The following BNC2 variants were observed in gnomAD, a reference collection of about 807,000 sequenced individuals.
The protein encoded by BNC2 is basonuclin zinc finger protein 2, also known as zinc finger protein basonuclin-2.
In BNC2, 20 loss-of-function variants were observed where a neutral mutation model predicts 76.3. The observed-to-expected ratio is 0.26, with a 90% CI of 0.18 to 0.38. The LOEUF is 0.38. BNC2 is among the 10% of genes least tolerant of loss of function. The pLI is 1.00. For missense variants in BNC2, 1,382 were observed against 1,399.8 expected, an observed-to-expected ratio of 0.99 and a Z score of 0.20; for synonymous variants, 582 against 514.8, an observed-to-expected ratio of 1.13 and a Z score of -1.77.
intron 1 of BNC2, among the ~76,000 whole-genome samples, chr9:16,739,693 G>A (rs1824785536): frequency 6.6e-6 from 1 of 151,932 alleles, no homozygotes; most frequent in Admixed American, 6.6e-5. Flanking sequence ...TCAATAATCT[G>A]GGTAAATTAC....
intron 3 of BNC2, among the ~76,000 whole-genome samples, chr9:16,651,274 C>T (rs912138767): frequency 1.3e-5 from 2 of 152,116 alleles, no homozygotes; most frequent in African/African-American, 4.8e-5. Flanking sequence ...TCTGTTTATT[C>T]AATTGATGAC....
intron 3 of BNC2, among the ~76,000 whole-genome samples, chr9:16,632,067 T>C (rs891541645): frequency 3.9e-5 from 6 of 152,184 alleles, no homozygotes; most frequent in African/African-American, 1.4e-4. Context: ...TAGGGTCTTG[T>C]TTGTCCCTTT....
intron 3 of BNC2, chr9:16,665,194 T>C (rs1176997235): frequency 5.0e-6 from 2 of 398,214 alleles, no homozygotes; most frequent in Non-Finnish European, 9.7e-6. Flanking sequence ...CAAGGTGAAA[T>C]CCTGTTTCTA....
At chr9:16,759,313 T>C (rs10810614) in intron 1 of BNC2, among the ~76,000 whole-genome samples, 2 of 152,098 alleles carry the variant, frequency 1.3e-5, no homozygotes, top group African/African-American at 4.8e-5. Context: ...CAAATTAATT[T>C]TGTTTTATTC....
intron 1 of BNC2, among the ~76,000 whole-genome samples, chr9:16,791,080 G>C (rs549980462): frequency 9.3e-5 from 14 of 150,060 alleles, no homozygotes; most frequent in African/African-American, 2.9e-4. Context: ...TTTTTCTTTT[G>C]AGATGGAGTC....
At chr9:16,838,924 A>C (rs1045842421) in intron 1 of BNC2, among the ~76,000 whole-genome samples, 1 of 152,226 alleles carries the variant, frequency 6.6e-6, no homozygotes, top group Admixed American at 6.5e-5. Flanking sequence ...CAAAAAGGCT[A>C]TTGTATTGGT....
At chr9:16,868,629 T>G (rs975295350) in intron 1 of BNC2, among the ~76,000 whole-genome samples, 4 of 152,258 alleles carry the variant, frequency 2.6e-5, no homozygotes, top group African/African-American at 9.6e-5. Flanking sequence ...AGCTCGTTAT[T>G]ACTTCCCTCA....
In BNC2 at chr9:16,805,127, T is replaced by C. The variant is rs140922993; in HGVS notation, c.3+65519A>G. Among the ~76,000 whole-genome samples, 1,461 of 152,158 alleles carry C rather than the reference T, an allele frequency of 9.6e-3. 12 individuals carry two copies. The highest frequency in any genetic ancestry group is 0.028 in the South Asian group (135 of 4,818). ...ACACCACTGGATCAATATAAAACTA[T>C]CTCGAATCTTCAAATGAGCATTATA... is the stretch of plus-strand genomic sequence containing the variant. On this transcript the variant is annotated intron_variant, in intron 1 of 6. Transcript: ENST00000380672.
intron 2 of BNC2, among the ~76,000 whole-genome samples, chr9:16,734,831 C>G (rs1824617832): frequency 6.6e-6 from 1 of 152,170 alleles, no homozygotes. Flanking sequence ...GGCCTTCTAA[C>G]TTAAGGTTGG....
chr9:16,666,357 A>G (rs942017233), intron 3 of BNC2, among the ~76,000 whole-genome samples: 4 of 152,156 alleles, frequency 2.6e-5, no homozygotes, highest in Non-Finnish European at 5.9e-5. Flanking sequence ...GTTCTCTCCT[A>G]TAACTCTATA....
chr9:16,719,828 TC>T lies in BNC2; in HGVS notation c.330+7968del, dbSNP rs547777036. Among the ~76,000 whole-genome samples the T allele has an allele frequency of 4.8e-4, 73 of 152,360 alleles. No homozygotes were observed. In the South Asian group the frequency reaches 0.014, roughly 30 times the overall value. ...CATTTCAAGTCCTTTTTTAAATGTT[TC>T]TGTTAACTCTTACTAGCTGCAGTTT... On this transcript the variant is annotated intron_variant, in intron 3 of 6. Transcript: ENST00000380672.
At chr9:16,496,091 T>C (rs1822383633) in intron 5 of BNC2, among the ~76,000 whole-genome samples, 1 of 151,924 alleles carries the variant, frequency 6.6e-6, no homozygotes. Flanking sequence ...GTATTTTTAG[T>C]AGAGACAGGG....
intron 1 of BNC2, among the ~76,000 whole-genome samples, chr9:16,805,824 A>C (rs905892122): frequency 6.6e-6 from 1 of 152,218 alleles, no homozygotes; most frequent in African/African-American, 2.4e-5. Context: ...CTTAAATGTA[A>C]AACACAGATG....
At chr9:16,737,397 C>G (rs1587366147) in intron 2 of BNC2, among the ~76,000 whole-genome samples, 1 of 151,622 alleles carries the variant, frequency 6.6e-6, no homozygotes, top group Non-Finnish European at 1.5e-5. Flanking sequence ...ACTACAGGCG[C>G]CCGCCACCAC....
chr9:16,796,447 G>A (rs1272047642), intron 1 of BNC2, among the ~76,000 whole-genome samples: 1 of 152,036 alleles, frequency 6.6e-6, no homozygotes, highest in Non-Finnish European at 1.5e-5. Flanking sequence ...AGGAAGTATA[G>A]GAGACTGCTT....
chr9:16,772,300 A>C (rs895905703), intron 1 of BNC2, among the ~76,000 whole-genome samples: 1 of 152,124 alleles, frequency 6.6e-6, no homozygotes, highest in African/African-American at 2.4e-5. Context: ...CCCTTCTCCT[A>C]CAGGGGCAAG....
At chr9:16,518,949 AGT>A (rs1385803633) in intron 5 of BNC2, among the ~76,000 whole-genome samples, 2 of 152,230 alleles carry the variant, frequency 1.3e-5, no homozygotes, top group Non-Finnish European at 2.9e-5. Context: ...TTTATCATAT[AGT>A]TTGGTGAGTC....
At chr9:16,545,778 C>A (rs532606907) in intron 5 of BNC2, among the ~76,000 whole-genome samples, 1 of 152,278 alleles carries the variant, frequency 6.6e-6, no homozygotes, top group South Asian at 2.1e-4. Context: ...TGAGCCACAT[C>A]CATGAAAATA....
In BNC2 at chr9:16,437,077, G is replaced by A. The variant is rs765592162; in HGVS notation, c.1117C>T (p.Pro373Ser). 1 of 1,614,140 alleles carries A rather than the reference G, an allele frequency of 6.2e-7. No homozygotes were observed. Among genetic ancestry groups the A allele is most frequent in the Non-Finnish European group, 8.5e-7 (1 of 1,180,016 alleles). ...GTTTGATCATTCTTATAAGGTGTGG[G>A]AGAAACTTCGGATTCGCTGCTCTCA... ...YNESSESEVSPTPYKNDQTPN... is the reference protein window; with the variant it reads ...YNESSESEVSSTPYKNDQTPN... The change falls in exon 6 of 7, where the codon CCC (proline) becomes TCC (serine). Residue 373 changes from proline (P) to serine (S), a missense_variant. Physicochemically the swap from Pro to Ser is moderately conservative, Grantham distance 74. Coordinates refer to ENST00000380672, the MANE Select transcript of BNC2 (RefSeq NM_017637.6).
Sources: gnomAD v4.1 joint callset for allele counts (sites outside exome capture counted in the v4.1 genomes callset) on GRCh38, gnomAD v4.1.1 for gene constraint, MANE v1.5 for transcripts, NCBI Gene and HGNC (gene_info 2026-07-23, HGNC 2026-07-21) for gene names.